The following OTC variants were observed in gnomAD, a reference collection of about 807,000 sequenced individuals.
OTC encodes ornithine transcarbamylase, also known as ornithine transcarbamylase, mitochondrial.
OTC carries 3 observed loss-of-function variants against 30.3 expected under a neutral mutation model. That is an observed-to-expected ratio of 0.10 (90% confidence interval 0.05 to 0.26). The LOEUF is 0.26. Among genes scored for constraint, OTC ranks in the 10% least tolerant of loss-of-function variants. The pLI is 1.00. For missense variants in OTC, 194 were observed against 260.3 expected, an observed-to-expected ratio of 0.75 and a Z score of 1.75; for synonymous variants, 111 against 99.7, an observed-to-expected ratio of 1.11 and a Z score of -0.67.
At chrX:38,413,663 C>CA in intron 9 of OTC, among the ~76,000 whole-genome samples, 1 of 75,860 alleles carries the variant, frequency 1.3e-5, no homozygotes, top group Non-Finnish European at 2.3e-5. Context: ...TTTGGCACAT[C>CA]TATTTTTTTT....
chrX:38,387,742 G>C (rs776125581), intron 4 of OTC, among the ~76,000 whole-genome samples: 2 of 111,823 alleles, frequency 1.8e-5, no homozygotes, highest in Admixed American at 1.9e-4. Context: ...AAGTCTAGGG[G>C]AGACTAGGCA....
the OTC span, among the ~76,000 whole-genome samples, chrX:38,330,213 A>C: frequency 8.9e-6 from 1 of 112,026 alleles, no homozygotes. Flanking sequence ...CCATGAGCGG[A>C]GGAATGCAAG....
In OTC at chrX:38,369,860, G is replaced by A; in HGVS notation, c.281G>A (p.Arg94Lys). 8.4e-7 allele frequency: 1 copy of A among 1,195,956 alleles called. No individual in the cohort carries two copies. Among genetic ancestry groups the A allele is most frequent in the Non-Finnish European group, 1.1e-6 (1 of 881,062 alleles). ...TTTGAGAAAAGAAGTACTCGAACAA[G>A]ATTGTCTACAGAAACAGGTAAGTCC... is the stretch of plus-strand genomic sequence containing the variant. The part of the protein sequence containing the change: ...MIFEKRSTRT[R>K]LSTETGFALL... Residue 94 changes from arginine to lysine, a missense_variant, in exon 3 of 10, where the codon AGA becomes AAA. Transcript: ENST00000039007.
intron 3 of OTC, among the ~76,000 whole-genome samples, chrX:38,380,518 A>G (rs1435707703): frequency 8.9e-6 from 1 of 111,773 alleles, no homozygotes; most frequent in East Asian, 2.8e-4. Context: ...ACCATCTCCC[A>G]TAATTTTCCC....
intron 9 of OTC, among the ~76,000 whole-genome samples, chrX:38,414,176 A>G (rs1307151563): frequency 8.9e-6 from 1 of 112,360 alleles, no homozygotes; most frequent in Non-Finnish European, 1.9e-5. Context: ...TAAATCCATC[A>G]AAGTAGATCC....
chrX:38,420,407 C>T (rs1398089664), intron 9 of OTC, among the ~76,000 whole-genome samples: 1 of 111,227 alleles, frequency 9.0e-6, no homozygotes, highest in Non-Finnish European at 1.9e-5. Flanking sequence ...ACCTAGTAAG[C>T]ACTCAGTTAA....
At chrX:38,412,700 G>T (rs1204900275) in intron 9 of OTC, among the ~76,000 whole-genome samples, 4 of 111,943 alleles carry the variant, frequency 3.6e-5, no homozygotes, top group South Asian at 3.7e-4. Flanking sequence ...GACTTAACTG[G>T]TCTCAATTAC....
chrX:38,343,419 A>T, the OTC span, among the ~76,000 whole-genome samples: 1 of 112,215 alleles, frequency 8.9e-6, no homozygotes, highest in African/African-American at 3.2e-5. Context: ...ATGGGAGAAG[A>T]GATAGCTCTA....
chrX:38,412,430 C>T (rs183074259), intron 9 of OTC, among the ~76,000 whole-genome samples: 2 of 112,031 alleles, frequency 1.8e-5, no homozygotes, highest in African/African-American at 3.2e-5. Context: ...TATGACTGGA[C>T]TAGATACTTG....
chrX:38,329,530 T>C, the OTC span, among the ~76,000 whole-genome samples: 1 of 111,419 alleles, frequency 9.0e-6, no homozygotes, highest in African/African-American at 3.3e-5. Flanking sequence ...ACCCCAACTT[T>C]CCATACCTAA....
chrX:38,345,494 T>C, the OTC span, among the ~76,000 whole-genome samples: 1 of 110,163 alleles, frequency 9.1e-6, no homozygotes, highest in Non-Finnish European at 1.9e-5. Context: ...AGGAGCAGTT[T>C]AGGGAGGGTC....
chrX:38,404,454 G>A (rs892636269), intron 6 of OTC, among the ~76,000 whole-genome samples: 2 of 112,244 alleles, frequency 1.8e-5, no homozygotes, highest in African/African-American at 6.5e-5. Flanking sequence ...ATACAGTCAT[G>A]TGTGGCTTCA....
intron 4 of OTC, among the ~76,000 whole-genome samples, chrX:38,400,827 C>T (rs907435987): frequency 8.9e-6 from 1 of 112,750 alleles, no homozygotes; most frequent in East Asian, 2.8e-4. Flanking sequence ...TTCTGTAGGG[C>T]GATCTGTGTG....
At chrX:38,332,772 C>T in the OTC span, among the ~76,000 whole-genome samples, 2 of 109,489 alleles carry the variant, frequency 1.8e-5, no homozygotes, top group African/African-American at 6.6e-5. Flanking sequence ...GCTACATTTC[C>T]AGTGTGGGTC....
intron 9 of OTC, among the ~76,000 whole-genome samples, chrX:38,418,254 T>C (rs1379149421): frequency 8.9e-6 from 1 of 112,068 alleles, no homozygotes; most frequent in Non-Finnish European, 1.9e-5. Context: ...CTCAGCATTT[T>C]TTCATGAACT....
chrX:38,343,731 A>T, the OTC span, among the ~76,000 whole-genome samples: 1 of 112,453 alleles, frequency 8.9e-6, no homozygotes, highest in Non-Finnish European at 1.9e-5. Flanking sequence ...CAGAATAATG[A>T]TTTCAATGGA....
intron 9 of OTC, among the ~76,000 whole-genome samples, chrX:38,419,112 T>A (rs943043085): frequency 8.9e-6 from 1 of 112,132 alleles, no homozygotes; most frequent in Non-Finnish European, 1.9e-5. Context: ...CCATTATGTG[T>A]TCTTGGCACC....
intron 8 of OTC, among the ~76,000 whole-genome samples, chrX:38,409,670 A>G (rs193099830): frequency 1.8e-5 from 2 of 112,598 alleles, no homozygotes; most frequent in African/African-American, 6.4e-5. Context: ...TGCTGCCTCC[A>G]GGGCCACACT....
chrX:38,358,571 T>G (rs1484958313), intron 1 of OTC, among the ~76,000 whole-genome samples: 1 of 110,265 alleles, frequency 9.1e-6, no homozygotes. Flanking sequence ...ACTCTAATGA[T>G]TTTTCAGTGG....
Sources: gnomAD v4.1 joint callset for allele counts (sites outside exome capture counted in the v4.1 genomes callset) on GRCh38, gnomAD v4.1.1 for gene constraint, MANE v1.5 for transcripts, NCBI Gene and HGNC (gene_info 2026-07-23, HGNC 2026-07-21) for gene names.